The following RARS2 variants were observed in gnomAD, a reference collection of about 807,000 sequenced individuals.
RARS2 encodes the protein probable arginine--tRNA ligase, mitochondrial.
In RARS2, 67 loss-of-function variants were observed where a neutral mutation model predicts 88.5. That is an observed-to-expected ratio of 0.76 (90% CI 0.62 to 0.93). The LOEUF (loss-of-function observed/expected upper bound fraction) is 0.93. Ranked by LOEUF, RARS2 falls within the 40% of genes least tolerant of loss-of-function variation. The probability of loss-of-function intolerance (pLI) is 0.00; values close to 1 mark genes in which losing one functional copy is unlikely to be tolerated. For synonymous variants in RARS2, 239 were observed against 230.3 expected (o/e 1.04, Z -0.34); for missense variants, 664 against 684.2 (o/e 0.97, Z 0.33).
In RARS2 at chr6:87,514,334, A is replaced by T; in HGVS notation, c.*79T>A. The T allele has an allele frequency of 4.9e-6, 5 of 1,029,858 alleles. No individual in the cohort carries two copies. Among genetic ancestry groups the T allele is most frequent in the Non-Finnish European group, 1.5e-6 (1 of 688,158 alleles). The allele number at this position is 1,029,858 out of a possible 1,614,324, so 63.8% of individuals were successfully genotyped here. ...CTCAAAAAAAAAAAAAAAAAATTTA[A>T]ATTTATTCTGAACAGCAAGGCATCT... On this transcript the variant is annotated 3_prime_UTR_variant, in exon 20 of 20. Transcript: ENST00000369536.
rs553236710 is a variant in RARS2, at chr6:87,516,361, C to T, written c.1586+445G>A. Among the ~76,000 whole-genome samples, 7 of 152,316 alleles carry T rather than the reference C, an allele frequency of 4.6e-5. No individual in the cohort carries two copies. The East Asian group carries it at 5.8e-4, about 13-fold the overall frequency. On this transcript the variant is annotated intron_variant, in intron 18 of 19. Transcript: ENST00000369536. ...AGTACATGGCAAACAGGTTTATACA[C>T]GCTTCATTCATCAGCCCTCCCAGGA... is the stretch of plus-strand genomic sequence containing the variant.
intron 5 of RARS2, among the ~76,000 whole-genome samples, chr6:87,551,420 G>C (rs866929631): frequency 2.0e-5 from 3 of 152,000 alleles, no homozygotes; most frequent in Middle Eastern, 3.4e-3. Flanking sequence ...GAAGTCAGGA[G>C]TTTGAGACCA....
intron 13 of RARS2, among the ~76,000 whole-genome samples, chr6:87,519,970 G>A (rs1410998884): frequency 6.6e-6 from 1 of 152,200 alleles, no homozygotes; most frequent in East Asian, 1.9e-4. Flanking sequence ...CTAAGCCACT[G>A]AGAGCAGATA....
At chr6:87,539,995 G>A (rs1780402220) in intron 8 of RARS2, among the ~76,000 whole-genome samples, 2 of 152,072 alleles carry the variant, frequency 1.3e-5, no homozygotes, top group African/African-American at 4.8e-5. Flanking sequence ...AGACAACCAT[G>A]AAGAATTATT....
intron 2 of RARS2, among the ~76,000 whole-genome samples, chr6:87,567,029 G>A (rs1269801157): frequency 1.3e-5 from 2 of 151,644 alleles, no homozygotes; most frequent in Non-Finnish European, 2.9e-5. Context: ...TTCTACCTTG[G>A]CCTCCCAAGG....
At chr6:87,571,207 C>T (rs1769589261) in intron 1 of RARS2, among the ~76,000 whole-genome samples, 1 of 152,094 alleles carries the variant, frequency 6.6e-6, no homozygotes, top group South Asian at 2.1e-4. Flanking sequence ...TGAGTTAGTT[C>T]TCACGAGATC....
chr6:87,523,192 A>C (rs548185712), intron 11 of RARS2, among the ~76,000 whole-genome samples: 69 of 152,324 alleles, frequency 4.5e-4, no homozygotes, highest in African/African-American at 1.6e-3. Flanking sequence ...AACAAAAAAG[A>C]ATAAGAAAAA....
At chr6:87,546,831 C>A (rs115490060) in intron 6 of RARS2, among the ~76,000 whole-genome samples, 1 of 152,222 alleles carries the variant, frequency 6.6e-6, no homozygotes, top group Non-Finnish European at 1.5e-5. Flanking sequence ...TTTCCAGCTT[C>A]CCTAGTTGTA....
In RARS2 at chr6:87,514,408, G is replaced by A; in HGVS notation, c.*5C>T. 6.3e-7 allele frequency: 1 copy of A among 1,582,818 alleles called. No homozygotes were observed. Among genetic ancestry groups the A allele is most frequent in the Non-Finnish European group, 8.7e-7 (1 of 1,152,036 alleles). ...TTGACATTTTAAAAGCCATTTTAAT[G>A]GAAATTACATCCTACATACAGGTGT... On this transcript the variant is annotated 3_prime_UTR_variant, in exon 20 of 20. Coordinates refer to ENST00000369536, the MANE Select transcript of RARS2 (RefSeq NM_020320.5).
rs13347346 is a variant in RARS2 at position 87,564,789 on chromosome 6, C to G, written c.111-557G>C. ...ATCATCTTATAAAATTCTTCCTCTT[C>G]TGTCTGGGCACAGATCCCAGCACTT... On this transcript the variant is annotated intron_variant, in intron 2 of 19. Coordinates refer to ENST00000369536, the MANE Select transcript of RARS2 (RefSeq NM_020320.5). 1,477 of 185,006 alleles carry G rather than the reference C, an allele frequency of 8.0e-3. 12 individuals are homozygous for G. Among genetic ancestry groups the G allele is most frequent in the African/African-American group, 0.034 (1,411 of 41,660 alleles). 11.5% of individuals were successfully genotyped at this position (185,006 alleles called of 1,614,324 possible). A position where few individuals can be genotyped will look rare whatever the true frequency, so the allele number is the denominator to read the frequency against.
chr6:87,530,608 TG>T (rs1777186089), intron 9 of RARS2, among the ~76,000 whole-genome samples, 175 bp downstream of exon 9: 1 of 152,218 alleles, frequency 6.6e-6, no homozygotes, highest in African/African-American at 2.4e-5. Flanking sequence ...CACCTGACAC[TG>T]CTTCAGGATT....
chr6:87,572,147 A>G (rs2128195626), intron 1 of RARS2, among the ~76,000 whole-genome samples: 1 of 151,808 alleles, frequency 6.6e-6, no homozygotes, highest in Middle Eastern at 3.5e-3. Flanking sequence ...TACTTTTATT[A>G]GTTAAGAGAC....
chr6:87,519,202 G>A (rs1211758490), intron 14 of RARS2: 3 of 271,928 alleles, frequency 1.1e-5, no homozygotes, highest in African/African-American at 7.4e-5. Flanking sequence ...GTGTGTGTGT[G>A]TGTGTGTATA....
At chr6:87,537,393 C>T (rs530050793) in intron 8 of RARS2, among the ~76,000 whole-genome samples, 2 of 152,284 alleles carry the variant, frequency 1.3e-5, no homozygotes, top group East Asian at 1.9e-4. Context: ...CTACCTGTGC[C>T]GGAATCCTGG....
At chr6:87,551,277 CT>C (rs1784243164) in intron 5 of RARS2, among the ~76,000 whole-genome samples, 2 of 152,078 alleles carry the variant, frequency 1.3e-5, no homozygotes, top group Admixed American at 1.3e-4. Flanking sequence ...CTTACTGGGA[CT>C]TTTGTTAAAT....
chr6:87,515,037 G>A lies in RARS2; in HGVS notation c.1587-17C>T, dbSNP rs762166832. The A allele has an allele frequency of 1.3e-6, 2 of 1,597,190 alleles. No individual in the cohort carries two copies. The highest frequency in any genetic ancestry group is 2.7e-5 in the African/African-American group (2 of 74,568). ...GCAAGATGACTGAAACAGGAAGAGA[G>A]AAATCACGATAGTACCAGCAGTAAT... On this transcript the variant is annotated splice_polypyrimidine_tract_variant and intron_variant, in intron 18 of 19. Transcript: ENST00000369536.
chr6:87,553,057 TC>T (rs1463476220), intron 5 of RARS2, among the ~76,000 whole-genome samples: 10 of 152,176 alleles, frequency 6.6e-5, no homozygotes, highest in African/African-American at 2.4e-4. Flanking sequence ...CTATTTTTCT[TC>T]CCTTGAATCT....
intron 4 of RARS2, among the ~76,000 whole-genome samples, chr6:87,562,144 T>C (rs1270207049): frequency 1.3e-5 from 2 of 152,110 alleles, no homozygotes; most frequent in African/African-American, 4.8e-5. Context: ...TTTAAATTTT[T>C]TTGTAGAGAT....
Position 87,518,811 on chromosome 6 carries a change from A to C in RARS2, c.1305+13T>G. 6.2e-7 allele frequency: 1 copy of C among 1,613,600 alleles called. No homozygotes were observed. The highest frequency in any genetic ancestry group is 8.5e-7 in the Non-Finnish European group (1 of 1,179,498). On this transcript the variant is annotated intron_variant, in intron 15 of 19. Transcript: ENST00000369536. ...CAAACAAAAGGGCCTCACAGGTAGG[A>C]GTCTTAACAGACCTGAATAATGAGT...
Sources: allele counts gnomAD v4.1 joint callset (sites outside exome capture counted in the v4.1 genomes callset), GRCh38; gene constraint gnomAD v4.1.1; transcripts MANE v1.5; gene names NCBI Gene and HGNC (gene_info 2026-07-23, HGNC 2026-07-21).